Variants in CPZ observed in about 807,000 individuals in gnomAD.
CPZ encodes the protein carboxypeptidase Z, also known as VEZT/CPZ fusion.
A neutral mutation model predicts 61.8 loss-of-function variants in CPZ; 103 were observed. The ratio of observed to expected loss-of-function variants is 1.67; its 90% confidence interval spans 1.42 to 1.96. CPZ has a LOEUF of 1.96. Ranked by LOEUF, CPZ falls within the 30% of genes most tolerant of loss-of-function variation. The probability of loss-of-function intolerance (pLI) is 0.00; values close to 1 mark genes in which losing one functional copy is unlikely to be tolerated. For synonymous variants in CPZ, 551 were observed against 373.7 expected (o/e 1.47, Z -5.47); for missense variants, 1,461 against 914.9 (o/e 1.60, Z -7.70).
intron 1 of CPZ, among the ~76,000 whole-genome samples, 193 bp from the exon 2 acceptor site, chr4:8,599,260 A>C (rs998391505): frequency 1.3e-5 from 2 of 152,204 alleles, no homozygotes; most frequent in Admixed American, 6.5e-5. Context: ...TCTCAGACGC[A>C]GCTTTCATGC....
intron 9 of CPZ, among the ~76,000 whole-genome samples, chr4:8,615,555 C>T (rs1489463700): frequency 1.3e-5 from 2 of 152,230 alleles, no homozygotes; most frequent in African/African-American, 4.8e-5. Flanking sequence ...GGCGCCCACC[C>T]ACACAGGGCA....
Position 8,619,635 on chromosome 4 carries a change from G to T in CPZ, c.*18G>T, listed in dbSNP as rs201004473. 21 of 1,474,872 alleles carry T rather than the reference G, an allele frequency of 1.4e-5. No homozygotes were observed. The highest frequency in any genetic ancestry group is 2.5e-5 in the Admixed American group (1 of 39,680). 91.4% of individuals were successfully genotyped at this position (1,474,872 alleles called of 1,614,324 possible). ...AGTACTAGCCCCGGCCCCAGCACCC[G>T]CCAGGATGTGGAGACCGAGGCCCAT... On this transcript the variant is annotated 3_prime_UTR_variant, in exon 11 of 11. Transcript: ENST00000360986.
At chr4:8,611,634 C>T (rs562049767) in intron 7 of CPZ, among the ~76,000 whole-genome samples, 13 of 152,268 alleles carry the variant, frequency 8.5e-5, no homozygotes, top group Admixed American at 2.6e-4. Context: ...AAATGCAGCC[C>T]ACCCTTGCCT....
rs536424123 is a variant in CPZ at position 8,600,906 on chromosome 4, G to A, written c.122-217G>A. The A allele has an allele frequency of 2.0e-4, 249 of 1,276,732 alleles. No homozygotes were observed. The African/African-American group carries it at 3.3e-3, about 17-fold the overall frequency. 79.1% of individuals were successfully genotyped at this position (1,276,732 alleles called of 1,614,324 possible). ...GCAGCCTGCTGCGGCTGGCTTGCTG[G>A]TGGGTAGTTGAATCTGGTTGGTCTT... is the stretch of plus-strand genomic sequence containing the variant. On this transcript the variant is annotated intron_variant, in intron 2 of 10. Coordinates refer to ENST00000360986, the MANE Select transcript of CPZ (RefSeq NM_001014447.3).
chr4:8,613,410 G>A (rs530031830), intron 8 of CPZ, among the ~76,000 whole-genome samples: 133 of 152,310 alleles, frequency 8.7e-4, no homozygotes, highest in African/African-American at 2.9e-3. Flanking sequence ...GATTATAGGC[G>A]TGAGCCACTG....
chr4:8,618,402 T>G (rs766847323), intron 9 of CPZ, 27 bp from the exon 10 acceptor site: 8 of 1,609,900 alleles, frequency 5.0e-6, no homozygotes, highest in East Asian at 4.5e-5. Context: ...TCACGCCATC[T>G]CCCTGGCCTC....
intron 1 of CPZ, among the ~76,000 whole-genome samples, chr4:8,597,795 G>C (rs181078024): frequency 2.9e-4 from 44 of 152,364 alleles, no homozygotes; most frequent in African/African-American, 9.9e-4. Context: ...AAGATCGTGT[G>C]CTGGGCTCGG....
At chr4:8,608,149 C>T (rs1418297708) in intron 7 of CPZ, among the ~76,000 whole-genome samples, 7 of 147,796 alleles carry the variant, frequency 4.7e-5, no homozygotes, top group African/African-American at 7.9e-5. Context: ...GCCCCCAGCC[C>T]CCAGCCCCCA....
rs150616112 is a variant in CPZ at position 8,601,394 on chromosome 4, C to A, written c.393C>A (p.Pro131=). 2 of 1,591,630 alleles carry A rather than the reference C, an allele frequency of 1.3e-6. No homozygotes were observed. Among genetic ancestry groups the A allele is most frequent in the South Asian group, 2.3e-5 (2 of 88,840 alleles). ...AGGGCCTGCGGGAGGTCTGCCAGCC[C>A]GCCTTCGACGCCATTGACATGGCCT... ...ICEGLREVCQ[P]AFDAIDMAWP... The change falls in exon 3 of 11, where the codon CCC becomes CCA. Residue 131 remains proline (P), a synonymous_variant. Transcript: ENST00000360986.
rs1342154102 is a variant in CPZ, at chr4:8,614,484, A to G, written c.1489A>G (p.Asn497Asp). 3.7e-6 allele frequency: 6 copies of G among 1,613,550 alleles called. No homozygotes were observed. The highest frequency in any genetic ancestry group is 5.1e-6 in the Non-Finnish European group (6 of 1,179,756). The change falls in exon 9 of 11, where the codon AAT becomes GAT. Residue 497 changes from asparagine (N) to aspartate (D), a missense_variant. Asn to Asp is a conservative substitution (Grantham distance 23). Transcript: ENST00000360986. Reference sequence around the variant, plus strand: ...GCAGCACAACAAGGAGTCACTCCTGAATTTCGTGGAGACGGTGAGTTCTGA... The same window carrying G: ...GCAGCACAACAAGGAGTCACTCCTGGATTTCGTGGAGACGGTGAGTTCTGA... ...LWQHNKESLL[N>D]FVETVHRGIK...
Position 8,601,278 on chromosome 4 carries a change from T to G in CPZ, c.277T>G (p.Cys93Gly), listed in dbSNP as rs753569071. ...TCTACACCAGCTCCTGGAAGGCCAG[T>G]GCAACCCGGACCTGCGGCTGCTGGG... ...SVLHQLLEGQ[C>G]NPDLRLLGCA... The change falls in exon 3 of 11, where the codon TGC becomes GGC. Residue 93 changes from cysteine (C) to glycine (G), a missense_variant. Coordinates refer to ENST00000360986, the MANE Select transcript of CPZ (RefSeq NM_001014447.3). The G allele has an allele frequency of 6.2e-7, 1 of 1,613,418 alleles. No individual in the cohort carries two copies. The highest frequency in any genetic ancestry group is 8.5e-7 in the Non-Finnish European group (1 of 1,179,890).
At position 8,606,891 on chromosome 4, in the gene CPZ, G is replaced by A. The variant is rs149186746; in HGVS notation, c.1061G>A (p.Trp354Ter). ...ATCCCCATCCCCCAGCACTACTGGT[G>A]GGGTAAGGTAGGAGCCGCCGCTGCC... ...DHIPIPQHYW[W>*]GKVAPETKAI... Residue 354 changes from tryptophan (W) to a stop codon, truncating the protein, a stop_gained, in exon 6 of 11, where the codon TGG becomes TAG. Transcript: ENST00000360986. LOFTEE classifies it high-confidence loss of function. 20 of 1,609,862 alleles carry A rather than the reference G, an allele frequency of 1.2e-5. No individual in the cohort carries two copies. The highest frequency in any genetic ancestry group is 1.6e-5 in the Non-Finnish European group (19 of 1,178,380).
Position 8,601,155 on chromosome 4 carries a change from A to G in CPZ, c.154A>G (p.Ser52Gly), listed in dbSNP as rs1434285901. ...CGTGGACCTGCAGCTCAGGACCTGC[A>G]GCGATGCCGCCTACAACCACACCAC... ...TCVDLQLRTC[S>G]DAAYNHTTFP... Residue 52 changes from serine to glycine, a missense_variant, in exon 3 of 11, where the codon AGC becomes GGC. By Grantham distance (56) the Ser-to-Gly change is moderately conservative (BLOSUM62 0). Transcript: ENST00000360986. The G allele has an allele frequency of 3.8e-6, 6 of 1,593,960 alleles. No homozygotes were observed. The highest frequency in any genetic ancestry group is 4.5e-5 in the East Asian group (2 of 44,392).
At chr4:8,609,047 C>CTCACCCATTCACTCT (rs1560297626) in intron 7 of CPZ, among the ~76,000 whole-genome samples, 1 of 28,428 alleles carries the variant, frequency 3.5e-5, no homozygotes, top group Non-Finnish European at 7.5e-5. Flanking sequence ...CCATTCACTC[C>CTCACCCATTCACTCT]CTCCCTCCCT....
chr4:8,618,017 G>A (rs550046117), intron 9 of CPZ: 22 of 244,598 alleles, frequency 9.0e-5, no homozygotes, highest in Middle Eastern at 1.5e-3. Flanking sequence ...CACTGTCCTC[G>A]TCCTCTCCCA....
At chr4:8,617,818 C>T (rs934321203) in intron 9 of CPZ, among the ~76,000 whole-genome samples, 5 of 152,138 alleles carry the variant, frequency 3.3e-5, no homozygotes, top group African/African-American at 9.7e-5. Context: ...AACTGTTTTA[C>T]AAGAAATGTG....
rs991936104 is a variant in CPZ at position 8,592,921 on chromosome 4, G to A, written c.88G>A (p.Gly30Ser). Residue 30 changes from glycine to serine, a missense_variant and splice_region_variant, in exon 1 of 11, where the codon GGT becomes AGT. Transcript: ENST00000360986. ...GTGCGAGTTTGAGCGGAACCCCGCC[G>A]GTAAGGCCGTCCCCTGCCCCCACCC... The part of the protein sequence containing the change: ...PGCEFERNPA[G>S]ECHRPPAADS... The A allele has an allele frequency of 4.2e-5, 64 of 1,534,358 alleles. No individual in the cohort carries two copies. The highest frequency in any genetic ancestry group is 5.0e-5 in the Non-Finnish European group (57 of 1,143,494).
At chr4:8,607,078 G>T (rs1200169366) in intron 6 of CPZ, among the ~76,000 whole-genome samples, 180 bp downstream of exon 6, 2 of 152,214 alleles carry the variant, frequency 1.3e-5, no homozygotes, top group Non-Finnish European at 2.9e-5. Flanking sequence ...GAGATTCAGA[G>T]ATTCATGTTG....
In CPZ at chr4:8,607,385, C is replaced by CCCAGGAGGAGAAGATGTTTT. The variant is rs1715126552; in HGVS notation, c.1189_1208dup (p.Pro404ArgfsTer28). On this transcript the variant is annotated frameshift_variant, in exon 7 of 11. Transcript: ENST00000360986. LOFTEE classifies it high-confidence loss of function. ...TACCCCTTCGACTTCTCCAAGCACC[C>CCCAGGAGGAGAAGATGTTTT]CCAGGAGGAGAAGATGTTTTCTCCC... The CCCAGGAGGAGAAGATGTTTT allele has an allele frequency of 6.2e-7, 1 of 1,613,960 alleles. No homozygotes were observed. The highest frequency in any genetic ancestry group is 1.7e-5 in the Admixed American group (1 of 59,986).
Sources: gnomAD v4.1 joint callset for allele counts (sites outside exome capture counted in the v4.1 genomes callset) on GRCh38, gnomAD v4.1.1 for gene constraint, MANE v1.5 for transcripts, NCBI Gene and HGNC (gene_info 2026-07-23, HGNC 2026-07-21) for gene names.